The following FOXP1 variants were observed in gnomAD, a reference collection of about 807,000 sequenced individuals.
FOXP1 encodes the protein forkhead box protein P1.
A neutral mutation model predicts 98.2 loss-of-function variants in FOXP1; 15 were observed. That is an observed-to-expected ratio of 0.15 (90% CI 0.10 to 0.24). The LOEUF is 0.24. Among genes scored for constraint, FOXP1 ranks in the 10% least tolerant of loss-of-function variants. The probability of loss-of-function intolerance (pLI) is 1.00; values close to 1 mark genes in which losing one functional copy is unlikely to be tolerated. For synonymous variants in FOXP1, 371 were observed against 314.5 expected (o/e 1.18, Z -1.90); for missense variants, 633 against 848.5 (o/e 0.75, Z 3.15).
intron 3 of FOXP1, among the ~76,000 whole-genome samples, chr3:71,369,456 G>A (rs562178191): frequency 4.3e-4 from 65 of 152,150 alleles, no homozygotes; most frequent in Non-Finnish European, 8.1e-4. Context: ...GTACAATGGC[G>A]CAATCTCAGC....
intron 3 of FOXP1, among the ~76,000 whole-genome samples, chr3:71,442,563 G>T (rs1025568244): frequency 1.3e-5 from 2 of 152,178 alleles, no homozygotes; most frequent in Non-Finnish European, 2.9e-5. Context: ...GGGCACGGAG[G>T]TCCTCTCTGT....
chr3:71,080,048 C>T (rs1422788885), intron 7 of FOXP1, among the ~76,000 whole-genome samples: 1 of 152,240 alleles, frequency 6.6e-6, no homozygotes, highest in African/African-American at 2.4e-5. Context: ...AGGTCTTGTG[C>T]TTCTCTTTCT....
At chr3:71,304,487 G>A (rs1188975785) in intron 4 of FOXP1, among the ~76,000 whole-genome samples, 2 of 152,066 alleles carry the variant, frequency 1.3e-5, no homozygotes, top group Non-Finnish European at 2.9e-5. Flanking sequence ...AAAGATAAAA[G>A]AAATGCAAAT....
intron 2 of FOXP1, among the ~76,000 whole-genome samples, chr3:71,561,769 T>C (rs1418500419): frequency 2.0e-5 from 3 of 152,326 alleles, no homozygotes; most frequent in East Asian, 3.9e-4. Flanking sequence ...ATGAAAATCA[T>C]CATCGAGCAC....
chr3:71,506,518 C>T (rs2041835275), intron 2 of FOXP1, among the ~76,000 whole-genome samples: 1 of 152,144 alleles, frequency 6.6e-6, no homozygotes, highest in South Asian at 2.1e-4. Flanking sequence ...ATAACTTTTC[C>T]AACTAAGGGG....
chr3:71,178,337 T>A lies in FOXP1; in HGVS notation c.180+19865A>T, dbSNP rs550712208. Among the ~76,000 whole-genome samples, 14 of 150,778 alleles carry A rather than the reference T, an allele frequency of 9.3e-5. No individual in the cohort carries two copies. The South Asian group carries it at 2.8e-3, about 30-fold the overall frequency. On this transcript the variant is annotated intron_variant, in intron 6 of 20. Coordinates refer to ENST00000649528, the MANE Select transcript of FOXP1 (RefSeq NM_001349338.3). ...TTTTAGTAGAGGCGGGGTTTCACCA[T>A]GTTGGCCAAGATGGTCTCAGTCTCC... is the stretch of plus-strand genomic sequence containing the variant.
intron 2 of FOXP1, among the ~76,000 whole-genome samples, chr3:71,574,944 GT>G (rs1163719029): frequency 6.6e-6 from 1 of 152,142 alleles, no homozygotes; most frequent in African/African-American, 2.4e-5. Flanking sequence ...CTTCTCTTAG[GT>G]TTCACAATGG....
chr3:70,979,951 G>T (rs2038524492), intron 14 of FOXP1, among the ~76,000 whole-genome samples: 1 of 152,118 alleles, frequency 6.6e-6, no homozygotes, highest in African/African-American at 2.4e-5. Flanking sequence ...TTTGAGTTGT[G>T]CTTTCCTTTT....
At chr3:71,500,677 C>T (rs983642911) in intron 2 of FOXP1, among the ~76,000 whole-genome samples, 1 of 152,202 alleles carries the variant, frequency 6.6e-6, no homozygotes, top group Non-Finnish European at 1.5e-5. Context: ...CTACATCTTT[C>T]AACTTCAAGC....
intron 2 of FOXP1, among the ~76,000 whole-genome samples, chr3:71,578,556 A>G (rs531230329): frequency 6.6e-6 from 1 of 152,340 alleles, no homozygotes; most frequent in East Asian, 1.9e-4. Context: ...TTTGAGTCAT[A>G]AGTAAAACAT....
intron 8 of FOXP1, 118 bp downstream of exon 8, chr3:71,053,518 C>A (rs563678528): frequency 7.8e-6 from 10 of 1,276,202 alleles, no homozygotes; most frequent in Non-Finnish European, 1.1e-5. Flanking sequence ...CCCACCCACG[C>A]TGCTTTACTC....
At position 71,342,684 on chromosome 3, in the gene FOXP1, G is replaced by A. The variant is rs1215950971; in HGVS notation, c.-73+16466C>T. Reference sequence around the variant, plus strand: ...CTCCAGCCTGGGTGACAGAGACTCCGTCTAAAAAAAAAAAAGCAAACAGAC... The same window carrying A: ...CTCCAGCCTGGGTGACAGAGACTCCATCTAAAAAAAAAAAAGCAAACAGAC... On this transcript the variant is annotated intron_variant, in intron 4 of 20. Transcript: ENST00000649528. Among the ~76,000 whole-genome samples the A allele has an allele frequency of 1.5e-4, 17 of 109,936 alleles. 1 individual carries two copies. In the Middle Eastern group the frequency reaches 0.014, roughly 91 times the overall value. The allele number at this position is 109,936 out of a possible 152,430, so 72.1% of individuals were successfully genotyped here. A position where few individuals can be genotyped will look rare whatever the true frequency, so the allele number is the denominator to read the frequency against.
intron 3 of FOXP1, among the ~76,000 whole-genome samples, chr3:71,399,292 TCAAA>T (rs754690666): frequency 6.6e-6 from 1 of 151,662 alleles, no homozygotes; most frequent in Non-Finnish European, 1.5e-5. Flanking sequence ...TCTAAAGGAG[TCAAA>T]CAACTTCACA....
chr3:71,149,310 C>T (rs2060463511), intron 6 of FOXP1, among the ~76,000 whole-genome samples: 1 of 152,164 alleles, frequency 6.6e-6, no homozygotes, highest in Non-Finnish European at 1.5e-5. Flanking sequence ...TTACATTATG[C>T]TTTATAATTC....
intron 11 of FOXP1, among the ~76,000 whole-genome samples, chr3:71,021,719 C>T (rs775602932): frequency 1.3e-5 from 2 of 152,184 alleles, no homozygotes; most frequent in African/African-American, 2.4e-5. Context: ...CAGCCATCCT[C>T]ACAGCTAGGA....
intron 4 of FOXP1, among the ~76,000 whole-genome samples, chr3:71,300,089 G>GGGAA (rs1170068509): frequency 1.3e-5 from 2 of 152,130 alleles, no homozygotes; most frequent in African/African-American, 4.8e-5. Context: ...TGACTTGGTG[G>GGGAA]GGAAAAGTCA....
intron 5 of FOXP1, among the ~76,000 whole-genome samples, chr3:71,271,827 G>A (rs1043253477): frequency 6.6e-6 from 1 of 152,232 alleles, no homozygotes; most frequent in African/African-American, 2.4e-5. Flanking sequence ...CTTTCACTGG[G>A]CTTAAGTCCA....
chr3:71,230,769 A>C (rs1351021751), intron 5 of FOXP1, among the ~76,000 whole-genome samples: 1 of 152,228 alleles, frequency 6.6e-6, no homozygotes, highest in Non-Finnish European at 1.5e-5. Context: ...TAAAATTACT[A>C]TTTGATACTG....
intron 6 of FOXP1, among the ~76,000 whole-genome samples, chr3:71,182,424 A>T (rs2062367523): frequency 6.6e-6 from 1 of 152,000 alleles, no homozygotes; most frequent in Non-Finnish European, 1.5e-5. Flanking sequence ...ATTAAAAATA[A>T]CTGTTCATTT....
Sources: allele counts gnomAD v4.1 joint callset (sites outside exome capture counted in the v4.1 genomes callset), GRCh38; gene constraint gnomAD v4.1.1; transcripts MANE v1.5; gene names NCBI Gene and HGNC (gene_info 2026-07-23, HGNC 2026-07-21).